MRAP2: variants seen among roughly 807,000 people sequenced by gnomAD.
MRAP2 encodes the protein melanocortin-2 receptor accessory protein 2.
Under a neutral mutation model 17.4 loss-of-function variants are expected in MRAP2, and 20 were observed. That is an observed-to-expected ratio of 1.15 (90% CI 0.81 to 1.67). The LOEUF is 1.67. Ranked by LOEUF, MRAP2 falls within the 40% of genes most tolerant of loss-of-function variation. MRAP2 has a pLI of 0.00. For synonymous variants in MRAP2, 96 were observed against 88.4 expected (o/e 1.09, Z -0.48); for missense variants, 238 against 240.0 (o/e 0.99, Z 0.05).
chr6:84,137,673 CTT>C, the MRAP2 span, among the ~76,000 whole-genome samples: 1 of 152,110 alleles, frequency 6.6e-6, no homozygotes, highest in Admixed American at 6.5e-5. Context: ...AGATTCATGT[CTT>C]TTCTCTACAA....
chr6:84,129,646 C>T, the MRAP2 span, among the ~76,000 whole-genome samples: 17 of 151,608 alleles, frequency 1.1e-4, no homozygotes, highest in African/African-American at 3.6e-4. Flanking sequence ...CTGTTCACTC[C>T]GGTTTTTGCT....
upstream of MRAP2, chr6:84,033,713 C>T (rs558270166): frequency 8.1e-6 from 8 of 985,222 alleles, no homozygotes; most frequent in East Asian, 9.1e-4. Flanking sequence ...CGGCGCCCCG[C>T]GCCGCCTCCG....
intron 3 of MRAP2, among the ~76,000 whole-genome samples, chr6:84,068,659 T>G (rs1383072778): frequency 2.6e-5 from 4 of 152,016 alleles, no homozygotes; most frequent in Non-Finnish European, 4.4e-5. Context: ...TTGTGTGTGT[T>G]TTTTTGCAGA....
chr6:84,039,357 T>C (rs1352360117), intron 1 of MRAP2, among the ~76,000 whole-genome samples: 2 of 152,208 alleles, frequency 1.3e-5, no homozygotes, highest in African/African-American at 2.4e-5. Context: ...AGACCAACTT[T>C]CAGGCAGGAT....
the MRAP2 span, among the ~76,000 whole-genome samples, chr6:84,142,278 A>C: frequency 6.6e-6 from 1 of 152,200 alleles, no homozygotes; most frequent in East Asian, 1.9e-4. Flanking sequence ...CCAAATACAC[A>C]ATTTGCATTC....
chr6:84,064,696 C>G (rs949910431), intron 3 of MRAP2, among the ~76,000 whole-genome samples: 2 of 152,144 alleles, frequency 1.3e-5, no homozygotes, highest in Non-Finnish European at 2.9e-5. Context: ...ACCATGTTAG[C>G]CAGGATGGTC....
At chr6:84,132,941 T>G in the MRAP2 span, among the ~76,000 whole-genome samples, 6 of 152,066 alleles carry the variant, frequency 3.9e-5, no homozygotes, top group Non-Finnish European at 8.8e-5. Flanking sequence ...GCACTCTGAT[T>G]TTTGGAATTT....
chr6:84,041,973 T>A lies in MRAP2; in HGVS notation c.-8+8090T>A, dbSNP rs113078077. On this transcript the variant is annotated intron_variant, in intron 1 of 3. Transcript: ENST00000257776. ...TATGAGATTTGGGAGGGGCCAAGAG[T>A]GTAATGATATGGTTAGGTTTTGTGT... 6.4e-3 allele frequency among the ~76,000 whole-genome samples: 976 copies of A among 152,102 alleles called. 17 individuals carry two copies. Among genetic ancestry groups the A allele is most frequent in the African/African-American group, 0.022 (914 of 41,496 alleles).
chr6:84,104,343 C>G, the MRAP2 span, among the ~76,000 whole-genome samples: 1 of 152,272 alleles, frequency 6.6e-6, no homozygotes, highest in South Asian at 2.1e-4. Context: ...ATGAAGACCT[C>G]CAACGTTCCC....
Position 84,089,600 on chromosome 6 carries a change from A to AC in MRAP2, c.*119_*120insC. On this transcript the variant is annotated 3_prime_UTR_variant, in exon 4 of 4. Transcript: ENST00000257776. ...GAGAGAGAGACATAGAGATAGAGAC[A>AC]GAGAGGCAGAGAAGAGACCCCTTTA... The AC allele has an allele frequency of 8.4e-7, 1 of 1,183,676 alleles. No individual in the cohort carries two copies. The allele number at this position is 1,183,676 out of a possible 1,614,324, so 73.3% of individuals were successfully genotyped here.
At chr6:84,146,198 A>T in the MRAP2 span, among the ~76,000 whole-genome samples, 1 of 152,206 alleles carries the variant, frequency 6.6e-6, no homozygotes. Flanking sequence ...GAGAGTTCTA[A>T]GCCACCATTT....
chr6:84,145,434 T>C, the MRAP2 span, among the ~76,000 whole-genome samples: 2 of 152,262 alleles, frequency 1.3e-5, no homozygotes, highest in African/African-American at 2.4e-5. Context: ...TTAATGAGAC[T>C]AGACTTATTT....
the MRAP2 span, among the ~76,000 whole-genome samples, chr6:84,108,615 C>T: frequency 6.6e-6 from 1 of 152,048 alleles, no homozygotes; most frequent in Non-Finnish European, 1.5e-5. Flanking sequence ...AAAATCTTCT[C>T]CCATTCCATA....
chr6:84,051,642 C>T (rs75878665), intron 1 of MRAP2, among the ~76,000 whole-genome samples: 1,550 of 152,226 alleles, frequency 0.01, 25 homozygotes, highest in South Asian at 0.052. Flanking sequence ...AGGATCGTTT[C>T]AGCCAGGGAG....
chr6:84,056,956 CCTTA>C (rs1394127699), intron 2 of MRAP2, among the ~76,000 whole-genome samples: 18 of 152,144 alleles, frequency 1.2e-4, no homozygotes, highest in Admixed American at 5.2e-4. Flanking sequence ...GTGACTCATT[CCTTA>C]CTTACTTACT....
chr6:84,077,267 A>C (rs2099497864), intron 3 of MRAP2, among the ~76,000 whole-genome samples: 1 of 152,244 alleles, frequency 6.6e-6, no homozygotes, highest in Non-Finnish European at 1.5e-5. Context: ...CCATGGCATC[A>C]GTGACATTGG....
At chr6:84,069,200 G>T (rs746663972) in intron 3 of MRAP2, among the ~76,000 whole-genome samples, 5 of 151,946 alleles carry the variant, frequency 3.3e-5, no homozygotes, top group Non-Finnish European at 5.9e-5. Context: ...GAACTTTTCA[G>T]CTTTTCCCCA....
At chr6:84,099,862 C>CTTTTTTTT in the MRAP2 span, among the ~76,000 whole-genome samples, 1 of 145,474 alleles carries the variant, frequency 6.9e-6, no homozygotes. Flanking sequence ...TTCTCTCTCT[C>CTTTTTTTT]TTTTTTTTTT....
intron 1 of MRAP2, 45 bp from the exon 2 acceptor site, chr6:84,055,267 G>A: frequency 1.9e-6 from 3 of 1,582,434 alleles, no homozygotes; most frequent in South Asian, 1.2e-5. Flanking sequence ...GTGCAGCTCT[G>A]GATGAATTAA....
Sources: gnomAD v4.1 joint callset for allele counts (sites outside exome capture counted in the v4.1 genomes callset) on GRCh38, gnomAD v4.1.1 for gene constraint, MANE v1.5 for transcripts, NCBI Gene and HGNC (gene_info 2026-07-23, HGNC 2026-07-21) for gene names.